The following SEL1L3 variants were observed in gnomAD, a reference collection of about 807,000 sequenced individuals.
The protein encoded by SEL1L3 is SEL1L family member 3, also known as protein sel-1 homolog 3.
SEL1L3 carries 76 observed loss-of-function variants against 142.8 expected under a neutral mutation model. That is an observed-to-expected ratio of 0.53 (90% confidence interval 0.44 to 0.64). The LOEUF (loss-of-function observed/expected upper bound fraction) is 0.64, where lower values mean the gene tolerates loss of function less well. SEL1L3 is among the 30% of genes least tolerant of loss of function. The pLI is 0.00. For missense variants in SEL1L3, 1,262 were observed against 1,381.7 expected, an observed-to-expected ratio of 0.91 and a Z score of 1.37; for synonymous variants, 504 against 519.6, an observed-to-expected ratio of 0.97 and a Z score of 0.41.
the SEL1L3 span, among the ~76,000 whole-genome samples, chr4:25,732,896 C>T: frequency 1.3e-5 from 2 of 152,060 alleles, no homozygotes; most frequent in Admixed American, 1.3e-4. Flanking sequence ...CAGGTGCACA[C>T]CACCAAGCCA....
At position 25,790,447 on chromosome 4, in the gene SEL1L3, G is replaced by T; in HGVS notation, c.2076+8C>A. 3 of 1,613,542 alleles carry T rather than the reference G, an allele frequency of 1.9e-6. No individual in the cohort carries two copies. The highest frequency in any genetic ancestry group is 2.5e-6 in the Non-Finnish European group (3 of 1,179,626). ...CAGAATCCCCAAGACAGTAGCCTGC[G>T]TTTTTACCTGAGCTGCTGCATTGCC... is the stretch of plus-strand genomic sequence containing the variant. On this transcript the variant is annotated splice_region_variant and intron_variant, in intron 12 of 23. Transcript: ENST00000399878.
chr4:25,765,458 C>A (rs1262056643), intron 19 of SEL1L3, 23 bp from the exon 20 acceptor site: 1 of 1,507,346 alleles, frequency 6.6e-7, no homozygotes, highest in East Asian at 2.3e-5. Flanking sequence ...AAGCACAGAT[C>A]CATTTGTCAA....
intron 1 of SEL1L3, among the ~76,000 whole-genome samples, chr4:25,856,091 A>G (rs985318760): frequency 2.0e-5 from 3 of 152,200 alleles, no homozygotes; most frequent in Non-Finnish European, 2.9e-5. Flanking sequence ...TGGTCCCTCT[A>G]GACCTTTTCA....
chr4:25,728,083 T>C, the SEL1L3 span, among the ~76,000 whole-genome samples: 1 of 152,126 alleles, frequency 6.6e-6, no homozygotes, highest in East Asian at 1.9e-4. Flanking sequence ...CCAGCCATCT[T>C]TTGTTTGAAG....
intron 17 of SEL1L3, chr4:25,773,314 T>A (rs1719366894): frequency 6.6e-6 from 1 of 152,070 alleles, no homozygotes; most frequent in Non-Finnish European, 1.5e-5. Flanking sequence ...GGGGGTAGGA[T>A]GGGATTTAAT....
the SEL1L3 span, among the ~76,000 whole-genome samples, chr4:25,734,922 T>C: frequency 1.3e-5 from 2 of 152,210 alleles, no homozygotes; most frequent in African/African-American, 4.8e-5. Flanking sequence ...ACTATTTTTG[T>C]AATATTTTGT....
chr4:25,836,584 G>C (rs917780301), intron 2 of SEL1L3, among the ~76,000 whole-genome samples: 1 of 152,130 alleles, frequency 6.6e-6, no homozygotes, highest in Admixed American at 6.5e-5. Context: ...GCTGGGAGGC[G>C]GAGGTTGCTG....
chr4:25,779,301 C>T lies in SEL1L3; in HGVS notation c.2458-98G>A, dbSNP rs945376193. 34 of 1,319,854 alleles carry T rather than the reference C, an allele frequency of 2.6e-5. No homozygotes were observed. The South Asian group carries it at 5.1e-4, about 20-fold the overall frequency. 81.8% of individuals were successfully genotyped at this position (1,319,854 alleles called of 1,614,324 possible). On this transcript the variant is annotated intron_variant, in intron 15 of 23. Coordinates refer to ENST00000399878, the MANE Select transcript of SEL1L3 (RefSeq NM_015187.5). ...GCTTTAAGCCTGATATGATTACAGGCTTATAACTTCTGATAGCTTTAAAAC... is the reference window on the plus strand; with the variant it reads ...GCTTTAAGCCTGATATGATTACAGGTTTATAACTTCTGATAGCTTTAAAAC...
the SEL1L3 span, among the ~76,000 whole-genome samples, chr4:25,727,878 C>T: frequency 6.6e-6 from 1 of 152,124 alleles, no homozygotes; most frequent in Non-Finnish European, 1.5e-5. Flanking sequence ...CAGGCTGTGC[C>T]CACGCATCAC....
intron 3 of SEL1L3, 86 bp downstream of exon 3, chr4:25,835,111 C>T (rs1204896091): frequency 6.6e-7 from 1 of 1,512,866 alleles, no homozygotes; most frequent in African/African-American, 1.4e-5. Context: ...GGTGTGTCTT[C>T]CTAAGGAATT....
chr4:25,761,345 G>A (rs1230067854), intron 20 of SEL1L3, among the ~76,000 whole-genome samples: 4 of 152,078 alleles, frequency 2.6e-5, no homozygotes, highest in African/African-American at 4.8e-5. Flanking sequence ...CAGTAGAGAC[G>A]AGGTTTCTCC....
chr4:25,738,931 C>T, the SEL1L3 span, among the ~76,000 whole-genome samples: 30 of 152,208 alleles, frequency 2.0e-4, no homozygotes, highest in Admixed American at 7.9e-4. Context: ...GTTGGCTGGG[C>T]ACAGTGGCTC....
chr4:25,752,105 T>C (rs1156699651), intron 23 of SEL1L3, among the ~76,000 whole-genome samples: 1 of 83,622 alleles, frequency 1.2e-5, no homozygotes, highest in African/African-American at 5.0e-5. Flanking sequence ...TAAGACTCCA[T>C]CTCAAAAAAA....
intron 9 of SEL1L3, among the ~76,000 whole-genome samples, chr4:25,814,016 G>C (rs1049423344): frequency 6.6e-6 from 1 of 152,152 alleles, no homozygotes; most frequent in African/African-American, 2.4e-5. Flanking sequence ...GGAAAGAAAC[G>C]CTTTCAGGTC....
intron 11 of SEL1L3, among the ~76,000 whole-genome samples, chr4:25,797,644 G>A (rs539538658): frequency 1.3e-5 from 2 of 152,202 alleles, no homozygotes; most frequent in African/African-American, 4.8e-5. Context: ...ACGAAACACG[G>A]GTCCCCTCGA....
the SEL1L3 span, chr4:25,719,372 G>A: frequency 5.3e-5 from 8 of 152,208 alleles, no homozygotes; most frequent in South Asian, 2.1e-4. Context: ...AGGAACTAGC[G>A]TGGCTTCAAA....
At chr4:25,841,275 C>G (rs1239642771) in intron 2 of SEL1L3, among the ~76,000 whole-genome samples, 2 of 152,218 alleles carry the variant, frequency 1.3e-5, no homozygotes, top group Admixed American at 6.5e-5. Flanking sequence ...CTCAAGTGAT[C>G]TGCCTGCCTC....
intron 2 of SEL1L3, among the ~76,000 whole-genome samples, chr4:25,836,981 A>G (rs533721628): frequency 6.6e-6 from 1 of 152,282 alleles, no homozygotes; most frequent in East Asian, 1.9e-4. Context: ...ATTTCTCCCC[A>G]GTAGCCACAA....
At position 25,804,668 on chromosome 4, in the gene SEL1L3, C is replaced by A; in HGVS notation, c.1649G>T (p.Gly550Val). The change falls in exon 10 of 24, where the codon GGT becomes GTT. Residue 550 changes from glycine to valine, a missense_variant. Around this residue, in one of 3 missense-constraint regions of SEL1L3, gnomAD observed 689 missense variants for 692.8 expected, o/e 0.99. Coordinates refer to ENST00000399878, the MANE Select transcript of SEL1L3 (RefSeq NM_015187.5). ...KAVKRLSSID[G>V]LHQISSIVPF... ...GACGATAGAGCTAATTTGGTGAAGA[C>A]CATCAATGCTAGAGAGTCTCTTTAC... is the stretch of plus-strand genomic sequence containing the variant. The A allele has an allele frequency of 6.2e-7, 1 of 1,613,650 alleles. No individual in the cohort carries two copies. The highest frequency in any genetic ancestry group is 1.7e-4 in the Middle Eastern group (1 of 6,060).
Sources: gnomAD v4.1 joint callset for allele counts (sites outside exome capture counted in the v4.1 genomes callset) on GRCh38, gnomAD v4.1.1 for gene constraint, gnomAD v4.1.1 regional missense constraint, MANE v1.5 for transcripts, NCBI Gene and HGNC (gene_info 2026-07-23, HGNC 2026-07-21) for gene names.